The following SEM1 variants were observed in gnomAD, a reference collection of about 807,000 sequenced individuals.
SEM1 encodes SEM1 26S proteasome subunit, also known as 26S proteasome complex subunit SEM1.
SEM1 carries 3 observed loss-of-function variants against 12.7 expected under a neutral mutation model. The ratio of observed to expected loss-of-function variants is 0.24; its 90% CI spans 0.11 to 0.61. The LOEUF is 0.61. Among genes scored for constraint, SEM1 ranks in the 20% least tolerant of loss-of-function variants. The pLI is 0.88. For synonymous variants in SEM1, 30 were observed against 27.8 expected, an observed-to-expected ratio of 1.08 and a Z score of -0.25; for missense variants, 59 against 81.3, an observed-to-expected ratio of 0.73 and a Z score of 1.06.
intron 1 of SEM1, among the ~76,000 whole-genome samples, chr7:96,707,673 A>G (rs758524042): frequency 1.3e-4 from 20 of 152,150 alleles, no homozygotes; most frequent in Non-Finnish European, 2.4e-4. Flanking sequence ...GTTTTACTAT[A>G]TAACTACTGA....
intron 2 of SEM1, among the ~76,000 whole-genome samples, chr7:96,679,330 T>C (rs1242768093): frequency 1.3e-5 from 2 of 152,138 alleles, no homozygotes; most frequent in African/African-American, 4.8e-5. Flanking sequence ...AGACACATCC[T>C]ATTAACTTGG....
intron 2 of SEM1, among the ~76,000 whole-genome samples, chr7:96,644,888 G>A (rs184254296): frequency 6.6e-6 from 1 of 152,204 alleles, no homozygotes; most frequent in Non-Finnish European, 1.5e-5. Context: ...CAGGTGCATG[G>A]TGAACCTGCT....
At chr7:96,654,849 C>G (rs1809126825) in intron 2 of SEM1, among the ~76,000 whole-genome samples, 1 of 152,162 alleles carries the variant, frequency 6.6e-6, no homozygotes, top group African/African-American at 2.4e-5. Flanking sequence ...CAGCTTCTTT[C>G]CTGGTGTGAT....
intron 2 of SEM1, among the ~76,000 whole-genome samples, chr7:96,679,502 TTTG>T (rs772762391): frequency 1.2e-4 from 19 of 152,178 alleles, no homozygotes; most frequent in Middle Eastern, 6.8e-3. Context: ...TGGTGATCGA[TTTG>T]TTGAAGTTAT....
downstream of SEM1, among the ~76,000 whole-genome samples, chr7:96,670,977 C>A (rs1364358936): frequency 6.6e-6 from 1 of 152,142 alleles, no homozygotes; most frequent in African/African-American, 2.4e-5. Context: ...GTTGATTCCA[C>A]GAAAATGTCA....
intron 2 of SEM1, among the ~76,000 whole-genome samples, chr7:96,668,129 A>C (rs1237624877): frequency 6.6e-6 from 1 of 152,214 alleles, no homozygotes; most frequent in Non-Finnish European, 1.5e-5. Context: ...TGAGAAAAGA[A>C]ATGAAATTGT....
At chr7:96,698,656 A>G (rs111766927) in intron 1 of SEM1, among the ~76,000 whole-genome samples, 87 of 152,240 alleles carry the variant, frequency 5.7e-4, no homozygotes, top group Non-Finnish European at 1.1e-3. Context: ...TTCTTTAACC[A>G]GTCCGTCACT....
At chr7:96,590,430 G>C (rs150747800) in intron 2 of SEM1, among the ~76,000 whole-genome samples, 3 of 152,046 alleles carry the variant, frequency 2.0e-5, no homozygotes, top group African/African-American at 7.2e-5. Context: ...GAAACTCCAC[G>C]AACAAGCACT....
At chr7:96,597,817 A>G (rs927093193) in intron 2 of SEM1, among the ~76,000 whole-genome samples, 1 of 152,000 alleles carries the variant, frequency 6.6e-6, no homozygotes, top group African/African-American at 2.4e-5. Context: ...TCTTCTGCCC[A>G]TTGTTCATGC....
chr7:96,510,410 C>A (rs1455772016), intron 2 of SEM1, among the ~76,000 whole-genome samples: 1 of 152,056 alleles, frequency 6.6e-6, no homozygotes, highest in African/African-American at 2.4e-5. Context: ...GTTACTATAC[C>A]AAACACTATA....
intron 2 of SEM1, among the ~76,000 whole-genome samples, chr7:96,572,871 T>G (rs1458772055): frequency 6.6e-6 from 1 of 152,194 alleles, no homozygotes; most frequent in Non-Finnish European, 1.5e-5. Context: ...TGTCTAATAT[T>G]GACAGTAGGG....
At chr7:96,483,122 G>A (rs1337517022) in exon 4 of SEM1, 1 of 152,018 alleles carries the variant, frequency 6.6e-6, no homozygotes, top group Non-Finnish European at 1.5e-5. Flanking sequence ...GACTAAATAA[G>A]TACTTCATAG....
intron 2 of SEM1, among the ~76,000 whole-genome samples, chr7:96,508,789 G>A (rs1457298886): frequency 6.6e-6 from 1 of 152,066 alleles, no homozygotes; most frequent in Non-Finnish European, 1.5e-5. Flanking sequence ...CAAGATATAA[G>A]AGGAAGCTCC....
chr7:96,507,474 C>G (rs1462882708), intron 2 of SEM1, among the ~76,000 whole-genome samples: 1 of 152,104 alleles, frequency 6.6e-6, no homozygotes, highest in Admixed American at 6.6e-5. Context: ...CTCCAACCTT[C>G]TCCTTTCAGC....
At chr7:96,515,958 T>G (rs1383564064) in intron 2 of SEM1, among the ~76,000 whole-genome samples, 1 of 152,038 alleles carries the variant, frequency 6.6e-6, no homozygotes, top group African/African-American at 2.4e-5. Context: ...CAAACCAACA[T>G]GGCACATGTA....
chr7:96,512,119 C>T (rs11973602), intron 2 of SEM1, among the ~76,000 whole-genome samples: 13,532 of 152,038 alleles, frequency 0.089, 1,979 homozygotes, highest in African/African-American at 0.31. Flanking sequence ...GGGCACATAA[C>T]CATTTCTACT....
intron 1 of SEM1, among the ~76,000 whole-genome samples, chr7:96,699,907 C>T (rs1281199474): frequency 6.9e-6 from 1 of 145,146 alleles, no homozygotes; most frequent in Non-Finnish European, 1.5e-5. Context: ...GGTGTTAAAA[C>T]CACTGATTCT....
chr7:96,561,060 G>A (rs28404071), intron 2 of SEM1, among the ~76,000 whole-genome samples: 27,743 of 152,020 alleles, frequency 0.18, 2,679 homozygotes, highest in Middle Eastern at 0.24. Flanking sequence ...GAGACTTCAC[G>A]TGTGTGCCAC....
chr7:96,521,618 T>A (rs79504048), intron 2 of SEM1, among the ~76,000 whole-genome samples: 2 of 152,112 alleles, frequency 1.3e-5, no homozygotes, highest in African/African-American at 4.8e-5. Flanking sequence ...AGGTCACAAC[T>A]GCGTAATGGG....
Sources: allele counts gnomAD v4.1 joint callset (sites outside exome capture counted in the v4.1 genomes callset), GRCh38; gene constraint gnomAD v4.1.1; transcripts MANE v1.5; gene names NCBI Gene and HGNC (gene_info 2026-07-23, HGNC 2026-07-21).